Variants in PRRX2 observed in about 807,000 individuals in gnomAD.
The protein encoded by PRRX2 is paired related homeobox 2.
In PRRX2, 11 loss-of-function variants were observed where a neutral mutation model predicts 18.0. That is an observed-to-expected ratio of 0.61 (90% CI 0.39 to 1.01). The LOEUF (loss-of-function observed/expected upper bound fraction) is 1.01. Among genes scored for constraint, PRRX2 ranks in the 50% least tolerant of loss-of-function variants. The pLI, the probability that PRRX2 is intolerant of heterozygous loss-of-function variation, is 0.01. For missense variants in PRRX2, 387 were observed against 351.0 expected (o/e 1.10, Z -0.82); for synonymous variants, 177 against 154.8 (o/e 1.14, Z -1.06).
At chr9:129,668,650 G>A (rs1049612165) in intron 1 of PRRX2, among the ~76,000 whole-genome samples, 18 of 151,748 alleles carry the variant, frequency 1.2e-4, no homozygotes, top group African/African-American at 3.6e-4. Context: ...GGTGGTGCAT[G>A]CCTGTAATCT....
In PRRX2 at chr9:129,675,812, C is replaced by A. The variant is rs1020567485; in HGVS notation, c.259+9686C>A. ...GCCAGGCGGGCGCGCCTGGCAGGGG[C>A]CTCGCAGCCTCTCTCGCCGCCAGAG... On this transcript the variant is annotated intron_variant, in intron 1 of 3. Transcript: ENST00000372469. This position sits in a 1 kb window ranked among gnomAD's most constrained non-coding sequence, Gnocchi z 4.4. Among the ~76,000 whole-genome samples the A allele has an allele frequency of 1.3e-5, 2 of 152,228 alleles. No homozygotes were observed. The highest frequency in any genetic ancestry group is 2.9e-5 in the Non-Finnish European group (2 of 68,032).
intron 1 of PRRX2, among the ~76,000 whole-genome samples, chr9:129,669,774 CCTGAGTTAAGAGA>C (rs961882577): frequency 1.3e-5 from 2 of 151,926 alleles, no homozygotes; most frequent in African/African-American, 2.4e-5. Context: ...CAGCTCAGGG[CCTGAGTTAAGAGA>C]CTGAGTTAAG....
chr9:129,667,021 G>A (rs899977413), intron 1 of PRRX2, among the ~76,000 whole-genome samples: 1 of 152,198 alleles, frequency 6.6e-6, no homozygotes, highest in African/African-American at 2.4e-5. Flanking sequence ...CAGGTCTCAG[G>A]GTGCCCAGGC....
At chr9:129,679,382 C>T (rs540548817) in intron 1 of PRRX2, among the ~76,000 whole-genome samples, 31 of 152,238 alleles carry the variant, frequency 2.0e-4, no homozygotes, top group African/African-American at 6.5e-4. Flanking sequence ...CCTCCATCAT[C>T]GTCGGCCCCA....
At chr9:129,710,029 C>T (rs935490487) in intron 1 of PRRX2, among the ~76,000 whole-genome samples, 6 of 152,176 alleles carry the variant, frequency 3.9e-5, no homozygotes, top group Non-Finnish European at 4.4e-5. Flanking sequence ...ACTTACCCTA[C>T]AGTATAACAG....
At chr9:129,703,953 G>A (rs1186199230) in intron 1 of PRRX2, among the ~76,000 whole-genome samples, 3 of 152,234 alleles carry the variant, frequency 2.0e-5, no homozygotes, top group Non-Finnish European at 2.9e-5. Context: ...TGGGCTGCTC[G>A]CCATGAAGGG....
At chr9:129,707,881 A>G (rs1375247236) in intron 1 of PRRX2, among the ~76,000 whole-genome samples, 4 of 152,050 alleles carry the variant, frequency 2.6e-5, no homozygotes, top group Non-Finnish European at 2.9e-5. Flanking sequence ...GTCTGTACCT[A>G]AGAGTGGAAT....
At chr9:129,703,496 G>A (rs1275538614) in intron 1 of PRRX2, among the ~76,000 whole-genome samples, 1 of 152,158 alleles carries the variant, frequency 6.6e-6, no homozygotes, top group East Asian at 1.9e-4. Context: ...GACAGAGTCT[G>A]GACATAAATC....
chr9:129,690,653 C>T (rs1285676540), intron 1 of PRRX2, among the ~76,000 whole-genome samples: 2 of 151,952 alleles, frequency 1.3e-5, no homozygotes, highest in East Asian at 3.9e-4. Flanking sequence ...ATTACAGATG[C>T]CTGCCACCAC....
chr9:129,680,283 C>T (rs1832209834), intron 1 of PRRX2, among the ~76,000 whole-genome samples: 1 of 151,644 alleles, frequency 6.6e-6, no homozygotes, highest in African/African-American at 2.4e-5. Context: ...CACCTGTAAT[C>T]CCAACTACTC....
intron 3 of PRRX2, 139 bp from the exon 4 acceptor site, chr9:129,722,078 A>C: frequency 7.9e-7 from 1 of 1,263,540 alleles, no homozygotes; most frequent in Non-Finnish European, 1.1e-6. Flanking sequence ...CTACAGCTCC[A>C]AATCACCCCC....
At chr9:129,718,013 G>T (rs924381456) in intron 1 of PRRX2, among the ~76,000 whole-genome samples, 2 of 152,098 alleles carry the variant, frequency 1.3e-5, no homozygotes, top group African/African-American at 4.8e-5. Context: ...AGGATGAAGG[G>T]TCAGAGGTGC....
chr9:129,711,399 CTTTTTTTTTT>C (rs897807963), intron 1 of PRRX2, among the ~76,000 whole-genome samples: 4 of 85,024 alleles, frequency 4.7e-5, no homozygotes, highest in Admixed American at 1.4e-4. Context: ...GTGAGATTCT[CTTTTTTTTTT>C]TTTTTTTTTT....
intron 1 of PRRX2, chr9:129,718,568 C>A (rs927356904): frequency 6.6e-6 from 1 of 152,380 alleles, no homozygotes; most frequent in South Asian, 2.1e-4. Flanking sequence ...TGAGGACTCT[C>A]GTACCCGATT....
chr9:129,697,419 G>C (rs920084112), intron 1 of PRRX2, among the ~76,000 whole-genome samples: 4 of 151,530 alleles, frequency 2.6e-5, no homozygotes, highest in Non-Finnish European at 4.4e-5. Flanking sequence ...GGCTGGGCGC[G>C]GGATCTATTA....
chr9:129,666,219 A>G, intron 1 of PRRX2, 93 bp downstream of exon 1: 2 of 925,092 alleles, frequency 2.2e-6, no homozygotes, highest in Non-Finnish European at 2.6e-6. Flanking sequence ...GGGGCGGGCG[A>G]AGATGCAGGG....
chr9:129,711,399 C>T (rs1410676230), intron 1 of PRRX2, among the ~76,000 whole-genome samples: 2 of 85,044 alleles, frequency 2.4e-5, no homozygotes, highest in Admixed American at 1.4e-4. Context: ...GTGAGATTCT[C>T]TTTTTTTTTT....
At chr9:129,720,199 C>A (rs970528426) in intron 2 of PRRX2, among the ~76,000 whole-genome samples, 3 of 150,964 alleles carry the variant, frequency 2.0e-5, no homozygotes, top group Non-Finnish European at 4.4e-5. Context: ...CGCCTCTCCC[C>A]GCGAGTGCTC....
chr9:129,676,986 T>G (rs1397877466), intron 1 of PRRX2, among the ~76,000 whole-genome samples: 2 of 152,178 alleles, frequency 1.3e-5, no homozygotes, highest in African/African-American at 2.4e-5. Context: ...CCTAAGAGAC[T>G]GTATGTTAAA....
Sources: allele counts gnomAD v4.1 joint callset (sites outside exome capture counted in the v4.1 genomes callset), GRCh38; gene constraint gnomAD v4.1.1; non-coding constraint Gnocchi (gnomAD v3.1); transcripts MANE v1.5; gene names NCBI Gene and HGNC (gene_info 2026-07-23, HGNC 2026-07-21).